Variants in PTPRT observed in about 807,000 individuals in gnomAD.
PTPRT encodes protein tyrosine phosphatase receptor type T.
PTPRT carries 56 observed loss-of-function variants against 176.8 expected under a neutral mutation model. The observed-to-expected ratio is 0.32, with a 90% CI of 0.26 to 0.40. The LOEUF (loss-of-function observed/expected upper bound fraction) is 0.40, where lower values mean the gene tolerates loss of function less well. Ranked by LOEUF, PTPRT falls within the 10% of genes least tolerant of loss-of-function variation. The pLI is 1.00. For synonymous variants in PTPRT, 783 were observed against 739.0 expected, an observed-to-expected ratio of 1.06 and a Z score of -0.96; for missense variants, 1,540 against 1,908.2, an observed-to-expected ratio of 0.81 and a Z score of 3.60.
chr20:42,531,543 C>G (rs2072384932), intron 7 of PTPRT, among the ~76,000 whole-genome samples: 2 of 152,210 alleles, frequency 1.3e-5, no homozygotes, highest in African/African-American at 4.8e-5. Flanking sequence ...ATACTGAATG[C>G]CTCCTGGCTG....
At chr20:42,477,792 ATCC>A (rs2071316786) in intron 7 of PTPRT, among the ~76,000 whole-genome samples, 1 of 152,110 alleles carries the variant, frequency 6.6e-6, no homozygotes, top group South Asian at 2.1e-4. Context: ...CTGGAAAACC[ATCC>A]TCTGATAGAA....
At chr20:42,499,690 G>T (rs1466996226) in intron 7 of PTPRT, among the ~76,000 whole-genome samples, 1 of 152,024 alleles carries the variant, frequency 6.6e-6, no homozygotes, top group East Asian at 1.9e-4. Flanking sequence ...AAAATTTTTT[G>T]ATTTTTGATA....
intron 1 of PTPRT, among the ~76,000 whole-genome samples, chr20:43,164,055 A>G (rs1350023425): frequency 6.6e-6 from 1 of 152,232 alleles, no homozygotes. Flanking sequence ...GTGTCATGCA[A>G]TGTACTGATG....
intron 16 of PTPRT, among the ~76,000 whole-genome samples, chr20:42,192,018 T>C (rs1422520416): frequency 6.6e-6 from 1 of 152,174 alleles, no homozygotes; most frequent in Non-Finnish European, 1.5e-5. Flanking sequence ...AATACAGCTC[T>C]TAGCTTGGGG....
intron 1 of PTPRT, among the ~76,000 whole-genome samples, chr20:43,028,612 T>C (rs570343955): frequency 1.3e-5 from 2 of 152,232 alleles, no homozygotes; most frequent in East Asian, 3.9e-4. Context: ...ACAAAGCATC[T>C]CTAGAAGTAA....
At chr20:42,573,544 G>T (rs939890036) in intron 7 of PTPRT, among the ~76,000 whole-genome samples, 1 of 152,102 alleles carries the variant, frequency 6.6e-6, no homozygotes, top group Non-Finnish European at 1.5e-5. Context: ...GCCCAAGTTT[G>T]AATTGAAGGA....
intron 7 of PTPRT, among the ~76,000 whole-genome samples, chr20:42,482,876 G>T (rs1044755818): frequency 6.6e-6 from 1 of 152,072 alleles, no homozygotes; most frequent in Non-Finnish European, 1.5e-5. Flanking sequence ...AACAAAAATA[G>T]ACATAATTCC....
chr20:42,751,734 G>A (rs1216819530), intron 6 of PTPRT, among the ~76,000 whole-genome samples: 4 of 152,094 alleles, frequency 2.6e-5, no homozygotes, highest in South Asian at 2.1e-4. Context: ...TTGGCTTTTG[G>A]AGTCTTGGAC....
At chr20:42,826,316 G>A (rs546911081) in intron 2 of PTPRT, among the ~76,000 whole-genome samples, 126 of 152,300 alleles carry the variant, frequency 8.3e-4, no homozygotes, top group Non-Finnish European at 1.3e-3. Flanking sequence ...GGCCTTAGCC[G>A]TGAACATTCC....
At chr20:42,643,625 T>G (rs1332168667) in intron 7 of PTPRT, among the ~76,000 whole-genome samples, 1 of 151,872 alleles carries the variant, frequency 6.6e-6, no homozygotes, top group Non-Finnish European at 1.5e-5. Context: ...CTACCTTCAC[T>G]TTCAAGATGA....
At chr20:42,482,153 C>T (rs973929720) in intron 7 of PTPRT, among the ~76,000 whole-genome samples, 3 of 151,478 alleles carry the variant, frequency 2.0e-5, no homozygotes, top group African/African-American at 4.9e-5. Context: ...TAGAAGGGGA[C>T]GAGAGAGGGA....
At chr20:42,369,980 A>C (rs1218116809) in intron 9 of PTPRT, among the ~76,000 whole-genome samples, 1 of 152,178 alleles carries the variant, frequency 6.6e-6, no homozygotes, top group Non-Finnish European at 1.5e-5. Flanking sequence ...AAATGCCAAG[A>C]GATGCTGGCT....
intron 6 of PTPRT, among the ~76,000 whole-genome samples, chr20:42,721,813 C>A (rs1203178284): frequency 6.6e-6 from 1 of 152,214 alleles, no homozygotes; most frequent in Non-Finnish European, 1.5e-5. Flanking sequence ...CTCCTAATTG[C>A]ACAGACACCT....
At chr20:42,412,458 T>A (rs1321814536) in intron 9 of PTPRT, among the ~76,000 whole-genome samples, 1 of 152,222 alleles carries the variant, frequency 6.6e-6, no homozygotes, top group Non-Finnish European at 1.5e-5. Context: ...GACTCTTCGA[T>A]ACAGTGCAAA....
intron 1 of PTPRT, among the ~76,000 whole-genome samples, chr20:42,940,953 G>A (rs1040283976): frequency 4.6e-5 from 7 of 151,862 alleles, no homozygotes; most frequent in East Asian, 1.9e-4. Flanking sequence ...ATGGTGGCGC[G>A]CGCCTGTAGT....
At chr20:42,069,010 G>T (rs1016423239), downstream of PTPRT, among the ~76,000 whole-genome samples, 1 of 152,192 alleles carries the variant, frequency 6.6e-6, no homozygotes, top group African/African-American at 2.4e-5. Context: ...CTTAAACTCG[G>T]ACTCCAAATT....
intron 7 of PTPRT, among the ~76,000 whole-genome samples, chr20:42,653,902 T>C (rs1649579163): frequency 6.6e-6 from 1 of 152,206 alleles, no homozygotes; most frequent in South Asian, 2.1e-4. Flanking sequence ...AGATAACGAA[T>C]TCTTGTTAGC....
At chr20:43,018,081 T>C (rs1376680120) in intron 1 of PTPRT, among the ~76,000 whole-genome samples, 4 of 152,310 alleles carry the variant, frequency 2.6e-5, no homozygotes, top group Non-Finnish European at 4.4e-5. Context: ...CTGAAGGAAC[T>C]GCAGTTCAGA....
chr20:42,714,132 C>T (rs191720775), intron 6 of PTPRT, among the ~76,000 whole-genome samples: 1 of 152,292 alleles, frequency 6.6e-6, no homozygotes, highest in East Asian at 1.9e-4. Context: ...CCTCTCAGAG[C>T]CTCAGTTTCC....
Sources: allele counts gnomAD v4.1 joint callset (sites outside exome capture counted in the v4.1 genomes callset), GRCh38; gene constraint gnomAD v4.1.1; transcripts MANE v1.5; gene names NCBI Gene and HGNC (gene_info 2026-07-23, HGNC 2026-07-21).